Variants in KCNIP4 observed in about 807,000 individuals in gnomAD.
KCNIP4 encodes the protein Kv channel-interacting protein 4.
In KCNIP4, 12 loss-of-function variants were observed where a neutral mutation model predicts 34.0. That is an observed-to-expected ratio of 0.35 (90% CI 0.23 to 0.57). The LOEUF is 0.57. Ranked by LOEUF, KCNIP4 falls within the 20% of genes least tolerant of loss-of-function variation. The pLI is 0.83. For synonymous variants in KCNIP4, 124 were observed against 102.2 expected (o/e 1.21, Z -1.29); for missense variants, 238 against 311.7 (o/e 0.76, Z 1.78).
chr4:21,703,182 G>C (rs968412466), intron 1 of KCNIP4, among the ~76,000 whole-genome samples: 1 of 152,064 alleles, frequency 6.6e-6, no homozygotes, highest in Non-Finnish European at 1.5e-5. Context: ...TTCACCCAAA[G>C]ATAAGGATCA....
At chr4:20,801,103 G>T (rs1199516408) in intron 3 of KCNIP4, among the ~76,000 whole-genome samples, 1 of 152,072 alleles carries the variant, frequency 6.6e-6, no homozygotes, top group African/African-American at 2.4e-5. Flanking sequence ...CAGAAACTTT[G>T]CAGACAAGGA....
intron 1 of KCNIP4, among the ~76,000 whole-genome samples, chr4:21,532,074 T>C (rs905712804): frequency 6.6e-6 from 1 of 152,182 alleles, no homozygotes; most frequent in Non-Finnish European, 1.5e-5. Flanking sequence ...AAATCATTTC[T>C]GATGTGTCAG....
intron 3 of KCNIP4, among the ~76,000 whole-genome samples, chr4:20,847,918 G>T (rs1331297418): frequency 1.3e-5 from 2 of 152,088 alleles, no homozygotes; most frequent in African/African-American, 2.4e-5. Flanking sequence ...GATCTTAAGG[G>T]CTTTGAGGTA....
intron 1 of KCNIP4, among the ~76,000 whole-genome samples, chr4:21,094,318 T>C (rs1250154874): frequency 1.3e-5 from 2 of 152,048 alleles, no homozygotes; most frequent in Admixed American, 6.5e-5. Flanking sequence ...CCTCATACAA[T>C]GAAAATTTTA....
intron 1 of KCNIP4, among the ~76,000 whole-genome samples, chr4:21,364,027 A>G (rs1719481467): frequency 6.6e-6 from 1 of 152,076 alleles, no homozygotes; most frequent in Admixed American, 6.6e-5. Context: ...ATAGGTTAAA[A>G]GTTACTTATC....
chr4:21,387,404 A>G (rs1303483056), intron 1 of KCNIP4, among the ~76,000 whole-genome samples: 1 of 152,190 alleles, frequency 6.6e-6, no homozygotes, highest in Non-Finnish European at 1.5e-5. Flanking sequence ...TAATTGCAGT[A>G]TTAACTTCTT....
intron 1 of KCNIP4, among the ~76,000 whole-genome samples, chr4:21,398,347 A>AT (rs1173517903): frequency 6.6e-6 from 1 of 152,200 alleles, no homozygotes; most frequent in African/African-American, 2.4e-5. Flanking sequence ...TAATCTGAAA[A>AT]TTTCAAAGGG....
At chr4:21,654,968 A>G (rs897828987) in intron 1 of KCNIP4, among the ~76,000 whole-genome samples, 1 of 152,026 alleles carries the variant, frequency 6.6e-6, no homozygotes, top group Admixed American at 6.6e-5. Flanking sequence ...CTAGTCTGCA[A>G]AGGGTGGAAA....
At chr4:20,755,820 A>C (rs756123145) in intron 4 of KCNIP4, among the ~76,000 whole-genome samples, 9 of 152,252 alleles carry the variant, frequency 5.9e-5, no homozygotes, top group Non-Finnish European at 8.8e-5. Flanking sequence ...GCAGGTTCAA[A>C]GGCCCAGGAG....
chr4:21,390,813 C>G (rs544335776), intron 1 of KCNIP4, among the ~76,000 whole-genome samples: 1 of 151,712 alleles, frequency 6.6e-6, no homozygotes, highest in African/African-American at 2.4e-5. Flanking sequence ...TATGAACATA[C>G]CTTGTGTATA....
chr4:21,764,225 C>A (rs1560696679), intron 1 of KCNIP4, among the ~76,000 whole-genome samples: 1 of 152,084 alleles, frequency 6.6e-6, no homozygotes, highest in Non-Finnish European at 1.5e-5. Context: ...AGGGTACAGA[C>A]TGGCAATTCT....
intron 1 of KCNIP4, among the ~76,000 whole-genome samples, chr4:21,348,045 A>G (rs777771414): frequency 2.6e-5 from 4 of 152,158 alleles, no homozygotes; most frequent in Admixed American, 6.5e-5. Flanking sequence ...CATGGGAGAA[A>G]ATGCTTTCAT....
At chr4:21,681,509 G>A (rs1476942124) in intron 1 of KCNIP4, among the ~76,000 whole-genome samples, 7 of 152,104 alleles carry the variant, frequency 4.6e-5, no homozygotes, top group African/African-American at 1.2e-4. Flanking sequence ...CTTCTACATC[G>A]GCACTTGCTC....
chr4:20,740,880 A>G (rs929162054), intron 5 of KCNIP4, among the ~76,000 whole-genome samples: 4 of 152,182 alleles, frequency 2.6e-5, no homozygotes, highest in African/African-American at 4.8e-5. Context: ...AGGAAGATCT[A>G]CCAAGCAAAT....
rs534954868 is a variant in KCNIP4, at chr4:20,895,906, A to G, written c.62-13197T>C. 9.8e-5 allele frequency among the ~76,000 whole-genome samples: 15 copies of G among 152,360 alleles called. 1 individual carries two copies. The East Asian group carries it at 2.9e-3, about 29-fold the overall frequency. On this transcript the variant is annotated intron_variant, in intron 1 of 8. Transcript: ENST00000382152. ...TTCTGCTTTGGGAAAATATGATGCC[A>G]GATAGGTTTTCTTAAGAACTGTAGA...
At chr4:21,070,415 T>C (rs1744787916) in intron 1 of KCNIP4, among the ~76,000 whole-genome samples, 1 of 151,676 alleles carries the variant, frequency 6.6e-6, no homozygotes, top group African/African-American at 2.4e-5. Context: ...GTCCAACTAG[T>C]TTAACTAGTT....
At chr4:21,796,944 C>T (rs1032484375) in intron 1 of KCNIP4, among the ~76,000 whole-genome samples, 1 of 152,064 alleles carries the variant, frequency 6.6e-6, no homozygotes, top group Non-Finnish European at 1.5e-5. Context: ...TTATATTGAA[C>T]GCTTCTGACA....
intron 1 of KCNIP4, among the ~76,000 whole-genome samples, chr4:21,405,831 T>C (rs1723934506): frequency 6.6e-6 from 1 of 152,212 alleles, no homozygotes; most frequent in African/African-American, 2.4e-5. Flanking sequence ...ATCTTTTATT[T>C]TATGTTATTT....
At chr4:21,792,816 C>A (rs557869276) in intron 1 of KCNIP4, among the ~76,000 whole-genome samples, 1 of 152,246 alleles carries the variant, frequency 6.6e-6, no homozygotes, top group Non-Finnish European at 1.5e-5. Flanking sequence ...AAACTACCCA[C>A]TGGATGTCTT....
Sources: gnomAD v4.1 joint callset for allele counts (sites outside exome capture counted in the v4.1 genomes callset) on GRCh38, gnomAD v4.1.1 for gene constraint, MANE v1.5 for transcripts, NCBI Gene and HGNC (gene_info 2026-07-23, HGNC 2026-07-21) for gene names.